PCDH15: variants seen among roughly 807,000 people sequenced by gnomAD.
PCDH15 encodes the protein protocadherin-15.
In PCDH15, 129 loss-of-function variants were observed where a neutral mutation model predicts 178.5. The observed-to-expected ratio is 0.72, with a 90% CI of 0.63 to 0.84. The LOEUF (loss-of-function observed/expected upper bound fraction) is 0.84. Ranked by LOEUF, PCDH15 falls within the 40% of genes least tolerant of loss-of-function variation. The pLI, the probability that PCDH15 is intolerant of heterozygous loss-of-function variation, is 0.00. For synonymous variants in PCDH15, 800 were observed against 732.0 expected (o/e 1.09, Z -1.50); for missense variants, 2,230 against 2,099.9 (o/e 1.06, Z -1.21).
intron 15 of PCDH15, among the ~76,000 whole-genome samples, chr10:54,131,353 CTTAT>C (rs2042419758): frequency 6.6e-6 from 1 of 152,136 alleles, no homozygotes; most frequent in East Asian, 1.9e-4. Context: ...TTTTCTTTCT[CTTAT>C]TTTTTTCTTG....
chr10:55,256,460 A>G (rs1842001615), intron 1 of PCDH15, among the ~76,000 whole-genome samples: 1 of 152,192 alleles, frequency 6.6e-6, no homozygotes, highest in African/African-American at 2.4e-5. Flanking sequence ...GGGGTCAGGG[A>G]ATTTCCTTTC....
At chr10:55,140,026 T>C (rs2132087467) in intron 2 of PCDH15, among the ~76,000 whole-genome samples, 1 of 152,066 alleles carries the variant, frequency 6.6e-6, no homozygotes, top group Non-Finnish European at 1.5e-5. Context: ...TTTCTTAGAA[T>C]GATTTCAAAT....
intron 28 of PCDH15, among the ~76,000 whole-genome samples, chr10:53,844,362 C>G (rs1299984718): frequency 6.6e-6 from 1 of 151,710 alleles, no homozygotes; most frequent in African/African-American, 2.4e-5. Flanking sequence ...TCAGCCTACT[C>G]AATAATTTAG....
chr10:54,799,146 T>C (rs1952370790), intron 1 of PCDH15, among the ~76,000 whole-genome samples: 1 of 152,172 alleles, frequency 6.6e-6, no homozygotes, highest in Non-Finnish European at 1.5e-5. Context: ...TGATTTCCTT[T>C]GATAAAAATA....
intron 2 of PCDH15, among the ~76,000 whole-genome samples, chr10:55,537,673 A>G (rs1841611385): frequency 6.6e-6 from 1 of 151,984 alleles, no homozygotes; most frequent in African/African-American, 2.4e-5. Flanking sequence ...TGACCTCATG[A>G]TCCACCCCCG....
chr10:54,994,793 C>T (rs971574707), intron 2 of PCDH15, among the ~76,000 whole-genome samples: 3 of 152,066 alleles, frequency 2.0e-5, no homozygotes, highest in African/African-American at 7.2e-5. Flanking sequence ...TAATCTACAA[C>T]CATTACATAG....
intron 2 of PCDH15, among the ~76,000 whole-genome samples, chr10:54,533,880 A>G (rs1249084853): frequency 6.6e-6 from 1 of 152,186 alleles, no homozygotes; most frequent in Non-Finnish European, 1.5e-5. Context: ...ATGGGTTTCT[A>G]ATATATTATA....
At chr10:54,971,967 A>ATACCC (rs1401993567) in intron 2 of PCDH15, among the ~76,000 whole-genome samples, 1 of 152,182 alleles carries the variant, frequency 6.6e-6, no homozygotes, top group Admixed American at 6.5e-5. Context: ...CCCAGGCAGG[A>ATACCC]CACTGTCGAT....
At chr10:54,109,431 T>C (rs1470427481) in intron 15 of PCDH15, among the ~76,000 whole-genome samples, 2 of 152,126 alleles carry the variant, frequency 1.3e-5, no homozygotes, top group Non-Finnish European at 2.9e-5. Flanking sequence ...ATCAAAGGCA[T>C]CAAACTCTGA....
At chr10:54,754,664 A>G (rs1028240915) in intron 1 of PCDH15, among the ~76,000 whole-genome samples, 1 of 152,054 alleles carries the variant, frequency 6.6e-6, no homozygotes, top group Non-Finnish European at 1.5e-5. Context: ...TATTTAGAAG[A>G]TTAGATTACC....
At chr10:53,834,033 A>T (rs1018317622) in intron 29 of PCDH15, among the ~76,000 whole-genome samples, 1 of 152,162 alleles carries the variant, frequency 6.6e-6, no homozygotes, top group African/African-American at 2.4e-5. Context: ...GTGTAATAAA[A>T]GTTATGCAAA....
At chr10:55,394,172 T>C (rs2132017077) in intron 2 of PCDH15, among the ~76,000 whole-genome samples, 1 of 152,106 alleles carries the variant, frequency 6.6e-6, no homozygotes, top group Non-Finnish European at 1.5e-5. Flanking sequence ...TATATAGCCA[T>C]GTTGACTTCT....
At chr10:54,467,078 TAGA>T (rs2077566876) in intron 3 of PCDH15, among the ~76,000 whole-genome samples, 2 of 151,992 alleles carry the variant, frequency 1.3e-5, no homozygotes, top group East Asian at 1.9e-4. Flanking sequence ...TTTTCCTAGA[TAGA>T]AGATTATATC....
chr10:54,559,850 TAAAAAA>T (rs80250003), intron 2 of PCDH15, among the ~76,000 whole-genome samples: 9 of 73,102 alleles, frequency 1.2e-4, no homozygotes, highest in East Asian at 4.7e-4. Context: ...TGTCTTATAG[TAAAAAA>T]AAAAAAAAAA....
intron 2 of PCDH15, among the ~76,000 whole-genome samples, chr10:55,072,858 T>C: frequency 6.6e-6 from 1 of 150,870 alleles, no homozygotes; most frequent in Non-Finnish European, 1.5e-5. Context: ...AATAAAATAC[T>C]GGCAAACCGA....
intron 18 of PCDH15, among the ~76,000 whole-genome samples, chr10:54,066,121 A>T (rs1250363780): frequency 6.6e-6 from 1 of 152,090 alleles, no homozygotes; most frequent in Non-Finnish European, 1.5e-5. Context: ...TCTTCCTCCA[A>T]TTTTTTTCTT....
intron 2 of PCDH15, among the ~76,000 whole-genome samples, chr10:55,126,674 G>C (rs1209230243): frequency 1.3e-5 from 2 of 151,962 alleles, no homozygotes; most frequent in Non-Finnish European, 2.9e-5. Context: ...TAACTTCTTA[G>C]ATTGAACAAA....
chr10:55,195,473 T>C, intron 1 of PCDH15, among the ~76,000 whole-genome samples: 1 of 130,828 alleles, frequency 7.6e-6, no homozygotes, highest in African/African-American at 2.9e-5. Flanking sequence ...AAACCCTATT[T>C]CTACTAAAAA....
chr10:53,986,185 C>A (rs1169575567), intron 21 of PCDH15, among the ~76,000 whole-genome samples: 1 of 152,016 alleles, frequency 6.6e-6, no homozygotes, highest in Non-Finnish European at 1.5e-5. Context: ...CAACAACATA[C>A]ACACTCGACA....
Sources: allele counts gnomAD v4.1 joint callset (sites outside exome capture counted in the v4.1 genomes callset), GRCh38; gene constraint gnomAD v4.1.1; transcripts MANE v1.5; gene names NCBI Gene and HGNC (gene_info 2026-07-23, HGNC 2026-07-21).